Variants in LRRTM4 observed in about 807,000 individuals in gnomAD.
The protein encoded by LRRTM4 is leucine rich repeat transmembrane neuronal 4, also known as leucine-rich repeat transmembrane neuronal protein 4.
In LRRTM4, 25 loss-of-function variants were observed where a neutral mutation model predicts 47.6. The observed-to-expected ratio is 0.53, with a 90% CI of 0.38 to 0.73. LRRTM4 has a LOEUF of 0.73. Ranked by LOEUF, LRRTM4 falls within the 30% of genes least tolerant of loss-of-function variation. The probability of loss-of-function intolerance (pLI) is 0.00; values close to 1 mark genes in which losing one functional copy is unlikely to be tolerated. For missense variants in LRRTM4, 638 were observed against 713.4 expected, an observed-to-expected ratio of 0.89 and a Z score of 1.20; for synonymous variants, 311 against 269.5, an observed-to-expected ratio of 1.15 and a Z score of -1.51.
At chr2:76,902,646 T>G (rs74701218) in intron 3 of LRRTM4, among the ~76,000 whole-genome samples, 2,020 of 152,260 alleles carry the variant, frequency 0.013, 44 homozygotes, top group African/African-American at 0.047. Flanking sequence ...TAAAGAGACT[T>G]TTCCTGGATG....
intron 3 of LRRTM4, among the ~76,000 whole-genome samples, chr2:77,266,351 G>T (rs571879381): frequency 1.1e-4 from 17 of 152,050 alleles, no homozygotes; most frequent in African/African-American, 3.9e-4. Context: ...AAAAGGCAAA[G>T]ATAAAATGAG....
At chr2:76,764,918 C>G (rs1263498678) in intron 3 of LRRTM4, among the ~76,000 whole-genome samples, 1 of 152,184 alleles carries the variant, frequency 6.6e-6, no homozygotes. Context: ...ACAAGCCAGG[C>G]TGTTTCTGCC....
intron 3 of LRRTM4, among the ~76,000 whole-genome samples, chr2:77,074,689 C>A (rs953157189): frequency 5.3e-5 from 8 of 152,048 alleles, no homozygotes; most frequent in African/African-American, 1.9e-4. Flanking sequence ...AGAAGGAGAA[C>A]TATTTAGAAA....
Position 77,518,472 on chromosome 2 carries a change from C to G in LRRTM4, c.1397G>C (p.Arg466Pro). ...QLQQHSLMKR[R>P]RKKARESERQ... The stretch of plus-strand genomic sequence containing the variant: ...TTCAGACTCTCTGGCCTTTTTCCGC[C>G]GCCTCTTCATAAGAGAGTGTTGCTG... The change falls in exon 3 of 4, where the codon CGG becomes CCG. Residue 466 changes from arginine (R) to proline (P), a missense_variant. Arg to Pro is a moderately radical substitution (Grantham distance 103). Coordinates refer to ENST00000409884, the MANE Select transcript of LRRTM4 (RefSeq NM_001134745.3). The G allele has an allele frequency of 1.2e-6, 2 of 1,613,328 alleles. No individual in the cohort carries two copies. The highest frequency in any genetic ancestry group is 2.2e-5 in the East Asian group (1 of 44,830).
At chr2:76,770,190 G>A (rs1673635965) in intron 3 of LRRTM4, among the ~76,000 whole-genome samples, 1 of 152,168 alleles carries the variant, frequency 6.6e-6, no homozygotes. Context: ...ACAATGCCAA[G>A]TTTTAAAGGA....
In LRRTM4 at chr2:77,519,151, T is replaced by C; in HGVS notation, c.718A>G (p.Arg240Gly). 6.2e-7 allele frequency: 1 copy of C among 1,613,220 alleles called. No individual in the cohort carries two copies. Residue 240 changes from arginine to glycine, a missense_variant, in exon 3 of 4, where the codon AGG becomes GGG. Coordinates refer to ENST00000409884, the MANE Select transcript of LRRTM4 (RefSeq NM_001134745.3). The surrounding 1 kb of genome is among the most constrained non-coding windows in gnomAD (Gnocchi z 4.6). ...NLRSIYLQWN[R>G]IRSISQGLTW... ...AAACCTTGGCTAATGGAGCGAATCC[T>C]GTTCCATTGTAAGTAAATTGAGCGG...
intron 3 of LRRTM4, among the ~76,000 whole-genome samples, chr2:76,814,855 T>C (rs1281972253): frequency 6.6e-6 from 1 of 151,688 alleles, no homozygotes; most frequent in African/African-American, 2.4e-5. Context: ...CCCATACATA[T>C]GTAAAGTTAT....
intron 3 of LRRTM4, among the ~76,000 whole-genome samples, chr2:76,874,491 T>G (rs970649882): frequency 2.0e-5 from 3 of 152,034 alleles, no homozygotes; most frequent in Non-Finnish European, 4.4e-5. Context: ...ATGAGTGGTC[T>G]GATTTTATAT....
intron 3 of LRRTM4, among the ~76,000 whole-genome samples, chr2:76,813,498 T>C (rs1477761579): frequency 1.3e-5 from 2 of 152,170 alleles, no homozygotes; most frequent in Non-Finnish European, 2.9e-5. Flanking sequence ...GCTACTTTGT[T>C]CTTATGTGAT....
chr2:76,768,229 A>T (rs1244354598), intron 3 of LRRTM4, among the ~76,000 whole-genome samples: 1 of 152,164 alleles, frequency 6.6e-6, no homozygotes, highest in South Asian at 2.1e-4. Flanking sequence ...AATTATGACA[A>T]TAGAGGAAAA....
At chr2:76,891,517 AAAAAG>A (rs1205942678) in intron 3 of LRRTM4, among the ~76,000 whole-genome samples, 1 of 151,804 alleles carries the variant, frequency 6.6e-6, no homozygotes, top group Non-Finnish European at 1.5e-5. Context: ...AATATCATAG[AAAAAG>A]AAAAAATACT....
chr2:76,906,484 T>C (rs1002572114), intron 3 of LRRTM4, among the ~76,000 whole-genome samples: 1 of 151,648 alleles, frequency 6.6e-6, no homozygotes, highest in Non-Finnish European at 1.5e-5. Flanking sequence ...AGGATCAAAT[T>C]CACACATAAG....
chr2:77,140,570 GACTTCATGACTAAAACACCAA>G (rs1672092287), intron 3 of LRRTM4, among the ~76,000 whole-genome samples: 2 of 125,352 alleles, frequency 1.6e-5, no homozygotes, highest in African/African-American at 6.6e-5. Context: ...CATGGGCAAG[GACTTCATGACTAAAACACCAA>G]AAGCAATGGC....
chr2:76,989,476 G>T (rs1462128271), intron 3 of LRRTM4, among the ~76,000 whole-genome samples: 2 of 151,878 alleles, frequency 1.3e-5, no homozygotes, highest in Non-Finnish European at 2.9e-5. Context: ...GATTGCATAT[G>T]TTGGATATAG....
intron 3 of LRRTM4, among the ~76,000 whole-genome samples, chr2:76,903,028 T>C (rs1355681668): frequency 6.6e-6 from 1 of 152,166 alleles, no homozygotes; most frequent in African/African-American, 2.4e-5. Context: ...TCTCAATTCA[T>C]TAATATATGT....
At chr2:77,302,906 G>A (rs1677168800) in intron 3 of LRRTM4, among the ~76,000 whole-genome samples, 1 of 152,134 alleles carries the variant, frequency 6.6e-6, no homozygotes, top group African/African-American at 2.4e-5. Context: ...AAGCCATTTT[G>A]CATGGCATGG....
intron 3 of LRRTM4, among the ~76,000 whole-genome samples, chr2:77,443,062 C>T (rs72921946): frequency 0.047 from 7,175 of 152,032 alleles, 533 homozygotes; most frequent in African/African-American, 0.16. Context: ...CCAAGATCCC[C>T]GTGTCATGAC....
intron 3 of LRRTM4, among the ~76,000 whole-genome samples, chr2:76,892,174 T>C (rs918567667): frequency 2.0e-5 from 3 of 151,726 alleles, no homozygotes; most frequent in African/African-American, 2.4e-5. Flanking sequence ...ACTTATTATA[T>C]GAAGAATGCA....
intron 3 of LRRTM4, among the ~76,000 whole-genome samples, chr2:76,794,475 T>TCAAAATTTCACTTATTACTGG (rs1675155662): frequency 6.6e-6 from 1 of 152,198 alleles, no homozygotes; most frequent in Admixed American, 6.5e-5. Flanking sequence ...TTTCTTTCTT[T>TCAAAATTTCACTTATTACTGG]CAAAATTTCA....
Sources: gnomAD v4.1 joint callset for allele counts (sites outside exome capture counted in the v4.1 genomes callset) on GRCh38, gnomAD v4.1.1 for gene constraint, Gnocchi (gnomAD v3.1) non-coding constraint, MANE v1.5 for transcripts, NCBI Gene and HGNC (gene_info 2026-07-23, HGNC 2026-07-21) for gene names.